Variants in ZC4H2 observed in about 807,000 individuals in gnomAD.
ZC4H2 encodes zinc finger C4H2-type containing.
For missense variants in ZC4H2, 137 were observed against 173.9 expected (o/e 0.79, Z 1.19); for synonymous variants, 84 against 66.3 (o/e 1.27, Z -1.30).
chrX:65,017,360 A>G (rs761580954), intron 1 of ZC4H2, among the ~76,000 whole-genome samples: 1 of 112,395 alleles, frequency 8.9e-6, no homozygotes, highest in South Asian at 3.7e-4. Flanking sequence ...CATAGCTACA[A>G]TTTTCCAACC....
At chrX:65,030,979 A>G (rs2147298292) in intron 1 of ZC4H2, among the ~76,000 whole-genome samples, 1 of 111,274 alleles carries the variant, frequency 9.0e-6, no homozygotes, top group African/African-American at 3.3e-5. Flanking sequence ...TCCCACTTAT[A>G]AATGTTACTC....
intron 1 of ZC4H2, among the ~76,000 whole-genome samples, chrX:65,011,805 T>A (rs1932757146): frequency 9.1e-6 from 1 of 109,315 alleles, no homozygotes. Context: ...AACCTCCGCC[T>A]CCTGGGTTCA....
At chrX:64,942,308 G>C (rs190497396) in intron 1 of ZC4H2, among the ~76,000 whole-genome samples, 1 of 110,368 alleles carries the variant, frequency 9.1e-6, no homozygotes, top group Non-Finnish European at 1.9e-5. Context: ...CTGGCTAGCC[G>C]TCTATTTTGT....
intron 1 of ZC4H2, among the ~76,000 whole-genome samples, chrX:64,960,802 T>C (rs1931361012): frequency 8.9e-6 from 1 of 112,209 alleles, no homozygotes; most frequent in African/African-American, 3.2e-5. Context: ...TGAATTTCAC[T>C]GTGGTCAGAA....
At chrX:65,013,191 G>A (rs1932774653) in intron 1 of ZC4H2, among the ~76,000 whole-genome samples, 1 of 112,103 alleles carries the variant, frequency 8.9e-6, no homozygotes, top group South Asian at 3.7e-4. Flanking sequence ...TCTAATCCAA[G>A]TCAGTGTCTA....
chrX:64,972,864 A>G (rs1931826533), intron 1 of ZC4H2, among the ~76,000 whole-genome samples: 1 of 112,238 alleles, frequency 8.9e-6, no homozygotes. Flanking sequence ...CCATATGTGA[A>G]CATCAAGTAT....
At chrX:64,945,760 T>C (rs1027730126) in intron 1 of ZC4H2, among the ~76,000 whole-genome samples, 1 of 111,491 alleles carries the variant, frequency 9.0e-6, no homozygotes, top group Non-Finnish European at 1.9e-5. Flanking sequence ...GCTGCCTTTT[T>C]TCCCGAGACG....
intron 1 of ZC4H2, 125 bp from the exon 2 acceptor site, chrX:64,922,113 C>T (rs1045092660): frequency 2.7e-6 from 3 of 1,094,225 alleles, no homozygotes; most frequent in East Asian, 3.3e-5. Context: ...CAACCTGAGG[C>T]CATCTCAAAA....
At chrX:64,935,250 G>A (rs1033087283) in intron 1 of ZC4H2, among the ~76,000 whole-genome samples, 2 of 111,886 alleles carry the variant, frequency 1.8e-5, no homozygotes, top group African/African-American at 3.2e-5. Flanking sequence ...AGCTCAGCAA[G>A]TTTGCTGTGG....
intron 1 of ZC4H2, among the ~76,000 whole-genome samples, chrX:64,924,715 A>G (rs1032114810): frequency 1.8e-5 from 2 of 111,194 alleles, no homozygotes; most frequent in Non-Finnish European, 3.8e-5. Flanking sequence ...AGTCCAGACA[A>G]AAAGAATAGC....
intron 1 of ZC4H2, among the ~76,000 whole-genome samples, chrX:64,950,264 C>G (rs766406729): frequency 9.0e-6 from 1 of 111,678 alleles, no homozygotes; most frequent in East Asian, 2.8e-4. Context: ...TGCTTTACTT[C>G]CAACTATGTG....
rs61275459 is a variant in ZC4H2, at chrX:64,946,581, GCACACACACACACA to G, written c.54-24607_54-24594del. On this transcript the variant is annotated intron_variant, in intron 1 of 4. Transcript: ENST00000374839. ...AACCCCTTGGTTGTTTTAAATGCGT[GCACACACACACACA>G]CACACACACACACACACACGTCTAT... Among the ~76,000 whole-genome samples, 14 of 95,896 alleles carry G rather than the reference GCACACACACACACA, an allele frequency of 1.5e-4. No homozygotes were observed. In the South Asian group the frequency reaches 2.1e-3, roughly 15 times the overall value. The allele number at this position is 95,896 out of a possible 115,157, so 83.3% of individuals were successfully genotyped here. A position where few individuals can be genotyped will look rare whatever the true frequency, so the allele number is the denominator to read the frequency against.
intron 1 of ZC4H2, among the ~76,000 whole-genome samples, chrX:64,970,675 A>G (rs1931752435): frequency 8.9e-6 from 1 of 111,819 alleles, no homozygotes; most frequent in Admixed American, 9.5e-5. Flanking sequence ...AAGGTTTTGG[A>G]GAAGACGAGG....
intron 1 of ZC4H2, among the ~76,000 whole-genome samples, chrX:65,020,938 T>G (rs1932832218): frequency 9.2e-6 from 1 of 108,940 alleles, no homozygotes; most frequent in South Asian, 3.7e-4. Flanking sequence ...AGAAAGGCAT[T>G]ACATAATGGT....
At chrX:64,919,490 T>C in intron 3 of ZC4H2, 1 of 257,110 alleles carries the variant, frequency 3.9e-6, no homozygotes, top group Non-Finnish European at 6.9e-6. Context: ...TCATGCTCTT[T>C]TGAGTATTCC....
Position 64,958,059 on chromosome X carries a change from A to AT in ZC4H2, c.53+18265dup, listed in dbSNP as rs771450059. On this transcript the variant is annotated intron_variant, in intron 1 of 4. Transcript: ENST00000374839. ...TCCAGCCTGAACCTGTTTTACAGTT[A>AT]TTTTTTTTTAATAAGTAAGAGGAGT... 6.8e-3 allele frequency among the ~76,000 whole-genome samples: 746 copies of AT among 109,720 alleles called. 5 individuals carry two copies. Among genetic ancestry groups the AT allele is most frequent in the East Asian group, 0.01 (35 of 3,488 alleles).
chrX:64,962,717 T>C (rs943221235), intron 1 of ZC4H2, among the ~76,000 whole-genome samples: 8 of 111,777 alleles, frequency 7.2e-5, no homozygotes, highest in African/African-American at 1.9e-4. Flanking sequence ...AAAATCAACA[T>C]ACAAAGTCAG....
chrX:65,033,740 G>C (rs1200416522), intron 1 of ZC4H2, among the ~76,000 whole-genome samples: 1 of 111,856 alleles, frequency 8.9e-6, no homozygotes, highest in Non-Finnish European at 1.9e-5. Context: ...CTACTCTATA[G>C]GTATTATAAT....
At chrX:64,984,077 T>G (rs994416240) in intron 1 of ZC4H2, among the ~76,000 whole-genome samples, 3 of 111,649 alleles carry the variant, frequency 2.7e-5, no homozygotes, top group Non-Finnish European at 5.6e-5. Context: ...TTTTTCAACC[T>G]GCACCTCCCT....
Sources: gnomAD v4.1 joint callset for allele counts (sites outside exome capture counted in the v4.1 genomes callset) on GRCh38, gnomAD v4.1.1 for gene constraint, MANE v1.5 for transcripts, NCBI Gene and HGNC (gene_info 2026-07-23, HGNC 2026-07-21) for gene names.